SAMMSON: variants seen among roughly 807,000 people sequenced by gnomAD.
SAMMSON encodes long intergenic non-protein coding RNA 1212.
intron 6 of SAMMSON, among the ~76,000 whole-genome samples, chr3:70,291,027 G>A (rs376926704): frequency 1.3e-5 from 2 of 152,202 alleles, no homozygotes; most frequent in African/African-American, 4.8e-5. Flanking sequence ...CTTCTGCTTC[G>A]CTCACGCTGG....
intron 4 of SAMMSON, among the ~76,000 whole-genome samples, chr3:70,245,905 T>C (rs2106645971): frequency 6.6e-6 from 1 of 151,520 alleles, no homozygotes. Context: ...ACTGGCTTTG[T>C]TATTAGCATA....
chr3:70,293,841 A>G (rs1452050114), intron 7 of SAMMSON, among the ~76,000 whole-genome samples: 1 of 152,112 alleles, frequency 6.6e-6, no homozygotes, highest in African/African-American at 2.4e-5. Flanking sequence ...TAATTGGTAG[A>G]ATCAACTTAC....
At chr3:70,025,662 C>T (rs943726746) in intron 3 of SAMMSON, among the ~76,000 whole-genome samples, 2 of 152,138 alleles carry the variant, frequency 1.3e-5, no homozygotes, top group East Asian at 1.9e-4. Context: ...TTTGGGGCAC[C>T]AATCCCACGC....
At chr3:70,139,471 G>A (rs570787515) in intron 4 of SAMMSON, among the ~76,000 whole-genome samples, 3 of 152,254 alleles carry the variant, frequency 2.0e-5, no homozygotes, top group Non-Finnish European at 2.9e-5. Context: ...GCCTTGCTGG[G>A]CATTGTCCTT....
intron 4 of SAMMSON, among the ~76,000 whole-genome samples, chr3:70,117,633 T>C (rs1164226012): frequency 6.6e-6 from 1 of 152,168 alleles, no homozygotes; most frequent in Non-Finnish European, 1.5e-5. Flanking sequence ...TGGGCCTCAG[T>C]ATAACCCCCT....
At chr3:70,351,276 T>G (rs979438781) in intron 7 of SAMMSON, among the ~76,000 whole-genome samples, 2 of 152,116 alleles carry the variant, frequency 1.3e-5, no homozygotes, top group Admixed American at 6.6e-5. Flanking sequence ...AAGGAAAACC[T>G]CCAAATTTTA....
chr3:70,205,455 T>C (rs1223010750), intron 4 of SAMMSON: 4 of 152,150 alleles, frequency 2.6e-5, no homozygotes, highest in Non-Finnish European at 4.4e-5. Context: ...TAATATATGA[T>C]AGAAATCTTC....
chr3:70,062,035 C>A (rs1201296513), intron 3 of SAMMSON, among the ~76,000 whole-genome samples: 1 of 152,146 alleles, frequency 6.6e-6, no homozygotes, highest in Non-Finnish European at 1.5e-5. Context: ...CACCATTCTA[C>A]AGGCAAACCC....
At position 70,249,651 on chromosome 3, in the gene SAMMSON, A is replaced by G. The variant is rs1464132042; in HGVS notation, n.655A>G. 4 of 152,104 alleles carry G rather than the reference A, an allele frequency of 2.6e-5. No individual in the cohort carries two copies. The East Asian group carries it at 7.7e-4, about 29-fold the overall frequency. The allele number at this position is 152,104 out of a possible 1,614,324, so 9.4% of individuals were successfully genotyped here. On this transcript the variant is annotated non_coding_transcript_exon_variant, in exon 6 of 10. Coordinates refer to ENST00000642114, the Ensembl canonical transcript of SAMMSON. The stretch of plus-strand genomic sequence containing the variant: ...ATGTTTTGGTCATGGGAGAGCTGCC[A>G]ATTCCACAGTACCAGCACAGTGAGA...
downstream of SAMMSON, among the ~76,000 whole-genome samples, chr3:70,392,941 G>C (rs1363989291): frequency 6.6e-6 from 1 of 152,112 alleles, no homozygotes; most frequent in Non-Finnish European, 1.5e-5. Flanking sequence ...GAGCCAGGCA[G>C]ATTTTAATTC....
chr3:70,419,057 C>T (rs1701290341), intron 2 of SAMMSON, among the ~76,000 whole-genome samples: 1 of 150,456 alleles, frequency 6.6e-6, no homozygotes, highest in Non-Finnish European at 1.5e-5. Context: ...AGGGATCTCA[C>T]TCTTTCACCC....
At chr3:70,248,337 A>G (rs967021334) in intron 4 of SAMMSON, among the ~76,000 whole-genome samples, 1 of 152,098 alleles carries the variant, frequency 6.6e-6, no homozygotes, top group Non-Finnish European at 1.5e-5. Context: ...GAAGGAGTTT[A>G]TAAATGGAGA....
intron 4 of SAMMSON, among the ~76,000 whole-genome samples, chr3:70,158,542 CTT>C (rs559853519): frequency 7.1e-6 from 1 of 141,514 alleles, no homozygotes; most frequent in East Asian, 2.0e-4. Flanking sequence ...TGGGTGGACA[CTT>C]TTTTTTTTTA....
chr3:70,087,031 C>T (rs900023625), intron 4 of SAMMSON, among the ~76,000 whole-genome samples: 1 of 152,142 alleles, frequency 6.6e-6, no homozygotes, highest in Non-Finnish European at 1.5e-5. Flanking sequence ...CACCATATAA[C>T]CCCTTTCTGA....
At chr3:70,330,435 C>A (rs1219388406) in intron 7 of SAMMSON, among the ~76,000 whole-genome samples, 6 of 151,868 alleles carry the variant, frequency 4.0e-5, no homozygotes, top group Admixed American at 3.9e-4. Flanking sequence ...TATTGTATAT[C>A]TATATTTGTC....
intron 4 of SAMMSON, among the ~76,000 whole-genome samples, chr3:70,105,840 T>G (rs1413846424): frequency 6.6e-6 from 1 of 152,206 alleles, no homozygotes; most frequent in African/African-American, 2.4e-5. Context: ...CTGTTTCTCC[T>G]TGAACACTCG....
chr3:70,024,380 A>G (rs995381518), intron 3 of SAMMSON, among the ~76,000 whole-genome samples: 5 of 152,206 alleles, frequency 3.3e-5, no homozygotes, highest in African/African-American at 1.2e-4. Context: ...TCTGATTGGA[A>G]TAGAAACTAG....
At position 70,099,223 on chromosome 3, in the gene SAMMSON, T is replaced by C. The variant is rs1424530661; in HGVS notation, n.507+27658T>C. On this transcript the variant is annotated intron_variant and non_coding_transcript_variant, in intron 4 of 9. Coordinates refer to ENST00000642114, the Ensembl canonical transcript of SAMMSON. ...ACAAATATTATATTTATTTCTAAGG[T>C]CTATTACAAAAAGGTGAATTGTTGG... Among the ~76,000 whole-genome samples the C allele has an allele frequency of 1.7e-4, 26 of 152,200 alleles. 1 individual carries two copies. The highest frequency in any genetic ancestry group is 4.4e-5 in the Non-Finnish European group (3 of 68,040).
At chr3:70,053,099 G>T (rs1445205239) in intron 3 of SAMMSON, among the ~76,000 whole-genome samples, 1 of 152,152 alleles carries the variant, frequency 6.6e-6, no homozygotes, top group Non-Finnish European at 1.5e-5. Flanking sequence ...GGAATTTGCA[G>T]TTCCCTTCAC....
Sources: allele counts gnomAD v4.1 joint callset (sites outside exome capture counted in the v4.1 genomes callset), GRCh38; gene constraint gnomAD v4.1.1; transcripts MANE v1.5; gene names NCBI Gene and HGNC (gene_info 2026-07-23, HGNC 2026-07-21).